The following LRRTM4 variants were observed in gnomAD, a reference collection of about 807,000 sequenced individuals.
The protein encoded by LRRTM4 is leucine rich repeat transmembrane neuronal 4.
Under a neutral mutation model 47.6 loss-of-function variants are expected in LRRTM4, and 25 were observed. The ratio of observed to expected loss-of-function variants is 0.53; its 90% CI spans 0.38 to 0.73. The LOEUF is 0.73. Ranked by LOEUF, LRRTM4 falls within the 30% of genes least tolerant of loss-of-function variation. LRRTM4 has a pLI of 0.00. For synonymous variants in LRRTM4, 311 were observed against 269.5 expected (o/e 1.15, Z -1.51); for missense variants, 638 against 713.4 (o/e 0.89, Z 1.20).
chr2:77,520,651 T>C (rs1202733004), intron 2 of LRRTM4, among the ~76,000 whole-genome samples: 10 of 152,138 alleles, frequency 6.6e-5, no homozygotes, highest in African/African-American at 2.4e-4. Flanking sequence ...TTGTGTAGTA[T>C]CACTTTGCCA....
intron 3 of LRRTM4, among the ~76,000 whole-genome samples, chr2:77,319,765 A>G (rs532899234): frequency 6.6e-6 from 1 of 152,304 alleles, no homozygotes; most frequent in African/African-American, 2.4e-5. Flanking sequence ...TTTTGAAATA[A>G]CCATACTACA....
chr2:77,270,969 G>A (rs1201566700), intron 3 of LRRTM4, among the ~76,000 whole-genome samples: 6 of 152,128 alleles, frequency 3.9e-5, no homozygotes, highest in African/African-American at 1.4e-4. Flanking sequence ...TGAGTCCTAT[G>A]AAGACCCCAG....
At chr2:76,831,146 C>T (rs905150531) in intron 3 of LRRTM4, among the ~76,000 whole-genome samples, 6 of 152,038 alleles carry the variant, frequency 3.9e-5, no homozygotes, top group Admixed American at 3.3e-4. Flanking sequence ...AATACTAAGT[C>T]ATGGCTAACA....
At chr2:77,178,112 T>C (rs1028913258) in intron 3 of LRRTM4, among the ~76,000 whole-genome samples, 9 of 152,184 alleles carry the variant, frequency 5.9e-5, no homozygotes, top group Non-Finnish European at 1.3e-4. Flanking sequence ...CTGCTGTATC[T>C]TTAGACTATA....
intron 3 of LRRTM4, among the ~76,000 whole-genome samples, chr2:77,155,848 A>G (rs148804857): frequency 6.6e-6 from 1 of 152,124 alleles, no homozygotes; most frequent in East Asian, 1.9e-4. Flanking sequence ...TATGGTTAAC[A>G]GTAAAAAATA....
At chr2:76,997,699 A>G (rs1558786965) in intron 3 of LRRTM4, among the ~76,000 whole-genome samples, 1 of 151,962 alleles carries the variant, frequency 6.6e-6, no homozygotes, top group Non-Finnish European at 1.5e-5. Context: ...GGGGTCCCCA[A>G]CTCCCAGGTC....
chr2:77,372,778 T>C (rs942296657), intron 3 of LRRTM4, among the ~76,000 whole-genome samples: 1 of 151,674 alleles, frequency 6.6e-6, no homozygotes, highest in African/African-American at 2.4e-5. Flanking sequence ...ATTAAATAAC[T>C]GTGTGTGTTT....
At chr2:76,792,986 G>A (rs1298571031) in intron 3 of LRRTM4, among the ~76,000 whole-genome samples, 1 of 152,074 alleles carries the variant, frequency 6.6e-6, no homozygotes, top group African/African-American at 2.4e-5. Context: ...GATGGAAAGT[G>A]GAAGTCTTCA....
chr2:77,290,668 A>G (rs560090724), intron 3 of LRRTM4, among the ~76,000 whole-genome samples: 1 of 152,146 alleles, frequency 6.6e-6, no homozygotes, highest in East Asian at 1.9e-4. Context: ...CCATAAATAT[A>G]TACTATTATT....
chr2:76,983,529 C>T (rs1243755373), intron 3 of LRRTM4, among the ~76,000 whole-genome samples: 1 of 152,032 alleles, frequency 6.6e-6, no homozygotes, highest in African/African-American at 2.4e-5. Flanking sequence ...GCTGCTCCTT[C>T]ACTTTCCATC....
chr2:76,901,716 T>C (rs2103746811), intron 3 of LRRTM4, among the ~76,000 whole-genome samples: 1 of 152,256 alleles, frequency 6.6e-6, no homozygotes, highest in African/African-American at 2.4e-5. Context: ...TTTGATCCTG[T>C]TTGAGTACCC....
intron 3 of LRRTM4, among the ~76,000 whole-genome samples, chr2:77,140,003 T>C (rs1369985073): frequency 6.6e-6 from 1 of 152,206 alleles, no homozygotes; most frequent in Non-Finnish European, 1.5e-5. Context: ...GAACATTCCA[T>C]GATTTTGGAT....
chr2:77,447,077 G>A (rs991828422), intron 3 of LRRTM4, among the ~76,000 whole-genome samples: 1 of 151,944 alleles, frequency 6.6e-6, no homozygotes, highest in Admixed American at 6.6e-5. Flanking sequence ...TAAGGAATGG[G>A]GTCGTTATTG....
intron 3 of LRRTM4, among the ~76,000 whole-genome samples, chr2:77,163,972 A>G (rs976675648): frequency 2.0e-5 from 3 of 152,180 alleles, no homozygotes; most frequent in Admixed American, 6.6e-5. Context: ...TTAACCTTAA[A>G]TGTAAATGGG....
At chr2:76,953,312 G>T (rs80075940) in intron 3 of LRRTM4, among the ~76,000 whole-genome samples, 2,029 of 151,846 alleles carry the variant, frequency 0.013, 47 homozygotes, top group African/African-American at 0.047. Context: ...GGACCAAAAA[G>T]CCTCTATGAG....
intron 3 of LRRTM4, among the ~76,000 whole-genome samples, chr2:76,776,328 G>A (rs7421951): frequency 0.074 from 11,188 of 152,048 alleles, 752 homozygotes; most frequent in East Asian, 0.28. Context: ...CTGAGGAATC[G>A]CCACACTGAC....
chr2:77,214,574 T>C (rs1237897175), intron 3 of LRRTM4, among the ~76,000 whole-genome samples: 1 of 152,184 alleles, frequency 6.6e-6, no homozygotes, highest in Non-Finnish European at 1.5e-5. Flanking sequence ...AAAAGAGCTA[T>C]GAAAAGATTT....
chr2:77,232,509 T>G (rs1674993062), intron 3 of LRRTM4, among the ~76,000 whole-genome samples: 1 of 152,240 alleles, frequency 6.6e-6, no homozygotes, highest in South Asian at 2.1e-4. Context: ...TTTTCTCTTG[T>G]GCCTTCAGAA....
At chr2:77,276,983 A>T (rs751174229) in intron 3 of LRRTM4, among the ~76,000 whole-genome samples, 29 of 151,706 alleles carry the variant, frequency 1.9e-4, no homozygotes, top group Non-Finnish European at 3.7e-4. Flanking sequence ...TGTCCTTGAG[A>T]TAATGGCTGT....
Sources: allele counts gnomAD v4.1 joint callset (sites outside exome capture counted in the v4.1 genomes callset), GRCh38; gene constraint gnomAD v4.1.1; transcripts MANE v1.5; gene names NCBI Gene and HGNC (gene_info 2026-07-23, HGNC 2026-07-21).